ATP13A5: variants seen among roughly 807,000 people sequenced by gnomAD.
The protein encoded by ATP13A5 is ATPase 13A5.
ATP13A5 carries 149 observed loss-of-function variants against 150.2 expected under a neutral mutation model. That is an observed-to-expected ratio of 0.99 (90% CI 0.87 to 1.14). The LOEUF (loss-of-function observed/expected upper bound fraction) is 1.14, where lower values mean the gene tolerates loss of function less well. ATP13A5 is among the 50% of genes most tolerant of loss of function. ATP13A5 has a pLI of 0.00. For missense variants in ATP13A5, 1,383 were observed against 1,449.3 expected (o/e 0.95, Z 0.74); for synonymous variants, 497 against 522.2 (o/e 0.95, Z 0.66).
intron 1 of ATP13A5, among the ~76,000 whole-genome samples, chr3:193,368,746 C>G (rs968318482): frequency 2.6e-5 from 4 of 152,024 alleles, no homozygotes; most frequent in Non-Finnish European, 5.9e-5. Context: ...TGAGTACAAT[C>G]CCCCCACCGC....
At chr3:193,346,700 C>T (rs528532323) in intron 7 of ATP13A5, among the ~76,000 whole-genome samples, 6 of 152,244 alleles carry the variant, frequency 3.9e-5, no homozygotes, top group Non-Finnish European at 5.9e-5. Context: ...AGGCAACTTT[C>T]CCCTTAAGAA....
chr3:193,294,245 C>T (rs1718077569), intron 25 of ATP13A5, among the ~76,000 whole-genome samples: 1 of 151,202 alleles, frequency 6.6e-6, no homozygotes, highest in Non-Finnish European at 1.5e-5. Context: ...CCATTTTTAT[C>T]CTTTAGTGTT....
chr3:193,301,395 A>C (rs553293447), intron 23 of ATP13A5, 88 bp from the exon 24 acceptor site: 6 of 949,514 alleles, frequency 6.3e-6, no homozygotes, highest in African/African-American at 3.3e-5. Context: ...TTATATTTTT[A>C]GTAGCCTGTT....
At chr3:193,339,066 G>A (rs1172124626) in intron 9 of ATP13A5, among the ~76,000 whole-genome samples, 1 of 151,796 alleles carries the variant, frequency 6.6e-6, no homozygotes, top group Non-Finnish European at 1.5e-5. Flanking sequence ...TATTTCTGTG[G>A]GATTGGTGGT....
chr3:193,369,263 T>C (rs1173343522), intron 1 of ATP13A5, among the ~76,000 whole-genome samples: 2 of 151,936 alleles, frequency 1.3e-5, no homozygotes, highest in Non-Finnish European at 2.9e-5. Flanking sequence ...TTTAAAAATA[T>C]ATAGAAATGA....
intron 12 of ATP13A5, among the ~76,000 whole-genome samples, chr3:193,327,600 T>C (rs182485355): frequency 2.6e-5 from 4 of 152,320 alleles, no homozygotes; most frequent in Admixed American, 2.6e-4. Context: ...TAATAAATAT[T>C]AATTAATGCC....
At chr3:193,321,650 T>G in intron 16 of ATP13A5, 31 bp downstream of exon 16, 1 of 1,609,164 alleles carries the variant, frequency 6.2e-7, no homozygotes, top group Non-Finnish European at 8.5e-7. Flanking sequence ...ACAAAAGTAT[T>G]TTACTTCTTG....
chr3:193,348,556 G>A (rs758102209), intron 7 of ATP13A5, among the ~76,000 whole-genome samples: 10 of 152,158 alleles, frequency 6.6e-5, no homozygotes, highest in Non-Finnish European at 1.0e-4. Context: ...AGAAAGGGAC[G>A]GAAGCGGGAG....
intron 21 of ATP13A5, among the ~76,000 whole-genome samples, chr3:193,308,709 G>C (rs1015951143): frequency 6.6e-6 from 1 of 152,230 alleles, no homozygotes; most frequent in Admixed American, 6.5e-5. Context: ...CAATGACAAA[G>C]GCATGAGGAG....
chr3:193,299,200 G>A lies in ATP13A5; in HGVS notation c.2779C>T (p.Leu927=), dbSNP rs1264905764. The change falls in exon 25 of 30, where the codon CTA becomes TTA. Residue 927 remains leucine (L), a synonymous_variant. Coordinates refer to ENST00000342358, the MANE Select transcript of ATP13A5 (RefSeq NM_198505.4). ...TACTGGTAATTTCCAAAGAGTTGTA[G>A]TTGCTGAAAAAGAAACAAAAGCAAA... ...FISALLLYWQ[L]QLFGNYQYLM... 2.5e-6 allele frequency: 4 copies of A among 1,607,960 alleles called. No homozygotes were observed. Among genetic ancestry groups the A allele is most frequent in the Non-Finnish European group, 3.4e-6 (4 of 1,177,470 alleles).
At chr3:193,339,211 G>T (rs1334325204) in intron 9 of ATP13A5, among the ~76,000 whole-genome samples, 3 of 151,700 alleles carry the variant, frequency 2.0e-5, no homozygotes, top group Non-Finnish European at 2.9e-5. Context: ...ATTTTTTTAA[G>T]GGTTTTTTGT....
chr3:193,307,300 G>C (rs770231992), intron 22 of ATP13A5, 27 bp downstream of exon 22: 2 of 1,610,694 alleles, frequency 1.2e-6, no homozygotes, highest in Non-Finnish European at 1.7e-6. Context: ...TGAGTGGCTT[G>C]TCTGAGCAAA....
At chr3:193,358,179 C>T (rs543971118) in intron 5 of ATP13A5, among the ~76,000 whole-genome samples, 24 of 152,118 alleles carry the variant, frequency 1.6e-4, no homozygotes, top group Non-Finnish European at 2.8e-4. Context: ...CAGGCAGGGA[C>T]GTCTATAGTT....
chr3:193,343,016 T>C (rs1178369621), intron 9 of ATP13A5, among the ~76,000 whole-genome samples: 4 of 152,212 alleles, frequency 2.6e-5, no homozygotes, highest in Admixed American at 2.6e-4. Flanking sequence ...TTATGTTAAC[T>C]ACATTTTCTT....
Position 193,344,070 on chromosome 3 carries a change from A to G in ATP13A5, c.815-15T>C, listed in dbSNP as rs369335964. On this transcript the variant is annotated splice_polypyrimidine_tract_variant and intron_variant, in intron 8 of 29. Coordinates refer to ENST00000342358, the MANE Select transcript of ATP13A5 (RefSeq NM_198505.4). The stretch of plus-strand genomic sequence containing the variant: ...CTCCTCCAAACCTACACCAAAGCAA[A>G]GTTTCCATGAATAGCTGACCTTTTC... The G allele has an allele frequency of 2.1e-5, 34 of 1,609,666 alleles. 1 individual carries two copies. Among genetic ancestry groups the G allele is most frequent in the Non-Finnish European group, 2.6e-5 (31 of 1,178,146 alleles).
At chr3:193,288,325 A>G (rs965648602) in intron 26 of ATP13A5, among the ~76,000 whole-genome samples, 3 of 152,176 alleles carry the variant, frequency 2.0e-5, no homozygotes, top group Admixed American at 6.6e-5. Flanking sequence ...GAAATATCTC[A>G]TGAAAGGAAG....
In ATP13A5 at chr3:193,316,493, G is replaced by T. The variant is rs546949171; in HGVS notation, c.2034-1397C>A. On this transcript the variant is annotated intron_variant, in intron 17 of 29. Transcript: ENST00000342358. ...TATATCCTTGTCAACTTGTTCTTTTGTTTTTGTTTCAAATAGCCATCCTTA... is the reference window on the plus strand; with the variant it reads ...TATATCCTTGTCAACTTGTTCTTTTTTTTTTGTTTCAAATAGCCATCCTTA... Among the ~76,000 whole-genome samples, 16 of 152,090 alleles carry T rather than the reference G, an allele frequency of 1.1e-4. 1 individual carries two copies. In the East Asian group the frequency reaches 3.1e-3, roughly 29 times the overall value.
intron 1 of ATP13A5, among the ~76,000 whole-genome samples, chr3:193,367,259 T>C (rs1297975967): frequency 6.6e-6 from 1 of 151,968 alleles, no homozygotes; most frequent in South Asian, 2.1e-4. Context: ...AAAGTCAAAT[T>C]GGTACCCTGA....
chr3:193,361,427 C>A (rs1713002478), intron 5 of ATP13A5, among the ~76,000 whole-genome samples: 1 of 151,990 alleles, frequency 6.6e-6, no homozygotes, highest in Non-Finnish European at 1.5e-5. Flanking sequence ...TTCTAAGTAC[C>A]CCTTGCTCCT....
Sources: gnomAD v4.1 joint callset for allele counts (sites outside exome capture counted in the v4.1 genomes callset) on GRCh38, gnomAD v4.1.1 for gene constraint, MANE v1.5 for transcripts, NCBI Gene and HGNC (gene_info 2026-07-23, HGNC 2026-07-21) for gene names.